Variants in VSIG1 observed in about 807,000 individuals in gnomAD.
VSIG1 encodes V-set and immunoglobulin domain-containing protein 1.
In VSIG1, 11 loss-of-function variants were observed where a neutral mutation model predicts 20.1. The ratio of observed to expected loss-of-function variants is 0.55; its 90% CI spans 0.34 to 0.91. The LOEUF (loss-of-function observed/expected upper bound fraction) is 0.91. Among genes scored for constraint, VSIG1 ranks in the 40% least tolerant of loss-of-function variants. VSIG1 has a pLI of 0.02. For synonymous variants in VSIG1, 126 were observed against 116.7 expected, an observed-to-expected ratio of 1.08 and a Z score of -0.52; for missense variants, 283 against 298.8, an observed-to-expected ratio of 0.95 and a Z score of 0.39.
At chrX:108,038,263 C>T in the VSIG1 span, among the ~76,000 whole-genome samples, 2 of 111,052 alleles carry the variant, frequency 1.8e-5, no homozygotes, top group African/African-American at 3.3e-5. Context: ...ACCCCAACCT[C>T]GTGACAGGCC....
the VSIG1 span, among the ~76,000 whole-genome samples, chrX:108,033,717 A>G: frequency 1.8e-5 from 2 of 110,632 alleles, no homozygotes; most frequent in Non-Finnish European, 3.8e-5. Flanking sequence ...GGGGAATGAT[A>G]CGAGCTGAGA....
intron 2 of VSIG1, chrX:108,064,770 C>T (rs1216951519): frequency 1.3e-6 from 1 of 750,898 alleles, no homozygotes; most frequent in African/African-American, 2.3e-5. Context: ...TCTTGATGGA[C>T]AGCAGGCTGA....
chrX:108,063,211 G>C (rs186224311), intron 2 of VSIG1, among the ~76,000 whole-genome samples: 1 of 111,691 alleles, frequency 9.0e-6, no homozygotes, highest in Non-Finnish European at 1.9e-5. Flanking sequence ...GCAGGAGAAA[G>C]GTTGGGCTGG....
At chrX:108,075,401 A>C (rs937520734) in intron 5 of VSIG1, among the ~76,000 whole-genome samples, 1 of 111,790 alleles carries the variant, frequency 8.9e-6, no homozygotes, top group African/African-American at 3.3e-5. Flanking sequence ...TAAACTATTT[A>C]CTTATATTCT....
intron 6 of VSIG1, 87 bp downstream of exon 6, chrX:108,076,305 T>C (rs930413602): frequency 2.2e-5 from 22 of 999,958 alleles, no homozygotes; most frequent in Non-Finnish European, 2.9e-5. Flanking sequence ...GCACTCCTTT[T>C]AGTATAAGAT....
rs760662839 is a variant in VSIG1, at chrX:108,058,120, C to T, written c.132C>T (p.Ile44=). Residue 44 remains isoleucine (I), a synonymous_variant, in exon 2 of 7, where the codon ATC becomes ATT. Transcript: ENST00000217957. The stretch of plus-strand genomic sequence containing the variant: ...GATCTAATGTCACTCTCATCTGCAT[C>T]TACACCACCACTGTGGCCTCCCGAG... ...TVGSNVTLIC[I]YTTTVASREQ... is the part of the protein sequence containing the mutation. 3 of 1,209,344 alleles carry T rather than the reference C, an allele frequency of 2.5e-6. No individual in the cohort carries two copies. In the African/African-American group the frequency reaches 5.2e-5, roughly 21 times the overall value.
Position 108,077,084 on chromosome X carries a change from A to G in VSIG1, c.867A>G (p.Glu289=), listed in dbSNP as rs778273537. 4 of 1,209,251 alleles carry G rather than the reference A, an allele frequency of 3.3e-6. No individual in the cohort carries two copies. The highest frequency in any genetic ancestry group is 3.4e-6 in the Non-Finnish European group (3 of 894,942). ...AGATAAACCCAAGGGGAGAAAGCGA[A>G]GCAATGCCAAGAGAAGACGCTACCC... ...MTKINPRGES[E]AMPREDATQL... Residue 289 remains glutamate, a synonymous_variant, in exon 7 of 7, where the codon GAA becomes GAG. Coordinates refer to ENST00000217957, the MANE Select transcript of VSIG1 (RefSeq NM_182607.5).
chrX:108,052,442 T>TACACAC (rs764453844), intron 1 of VSIG1, among the ~76,000 whole-genome samples: 1 of 107,004 alleles, frequency 9.3e-6, no homozygotes, highest in Non-Finnish European at 1.9e-5. Context: ...CTACCAAAAA[T>TACACAC]ACACACACAC....
chrX:108,026,502 G>T, the VSIG1 span, among the ~76,000 whole-genome samples: 1 of 111,211 alleles, frequency 9.0e-6, no homozygotes, highest in Non-Finnish European at 1.9e-5. Flanking sequence ...GAAGCTGTTA[G>T]GAAGCTGTGT....
At chrX:108,025,642 T>G in the VSIG1 span, among the ~76,000 whole-genome samples, 39,401 of 111,756 alleles carry the variant, frequency 0.35, 5,396 homozygotes, top group Non-Finnish European at 0.42. Flanking sequence ...TTTTGTGTTT[T>G]TAAATTTTTC....
At chrX:108,064,869 C>T (rs2031097190) in intron 2 of VSIG1, 4 of 428,807 alleles carry the variant, frequency 9.3e-6, no homozygotes, top group Middle Eastern at 1.4e-3. Context: ...AGCCTGATAG[C>T]GTGGGTGCCA....
chrX:108,028,260 A>G, the VSIG1 span, among the ~76,000 whole-genome samples: 1 of 111,759 alleles, frequency 8.9e-6, no homozygotes, highest in African/African-American at 3.3e-5. Flanking sequence ...CCTCCCTAGG[A>G]TATACCATGG....
chrX:108,042,638 C>T (rs1008541460), upstream of VSIG1, among the ~76,000 whole-genome samples: 7 of 111,408 alleles, frequency 6.3e-5, no homozygotes, highest in African/African-American at 1.6e-4. Flanking sequence ...CTGGAACTAC[C>T]GGTATTACTT....
At position 108,076,076 on chromosome X, in the gene VSIG1, G is replaced by A; in HGVS notation, c.689-1G>A. On this transcript the variant is annotated splice_acceptor_variant, in intron 5 of 6. Transcript: ENST00000217957. LOFTEE classifies it high-confidence loss of function. ...ATTAACCAGCTGCTTGTATCCTTCA[G>A]ATCCAGAAGTTGGAATCATTGTTGG... 8.3e-7 allele frequency: 1 copy of A among 1,210,682 alleles called. No homozygotes were observed. The highest frequency in any genetic ancestry group is 1.8e-5 in the South Asian group (1 of 56,706).
rs529333111 is a variant in VSIG1, at chrX:108,045,869, G to T, written c.49+690G>T. On this transcript the variant is annotated intron_variant, in intron 1 of 6. Coordinates refer to ENST00000217957, the MANE Select transcript of VSIG1 (RefSeq NM_182607.5). The stretch of plus-strand genomic sequence containing the variant: ...ATTTTGCATCTGTTCTTATAAGTTA[G>T]GTCCATAGTAAATACAATAATATTG... 1.3e-4 allele frequency among the ~76,000 whole-genome samples: 15 copies of T among 111,753 alleles called. No individual in the cohort carries two copies. In the South Asian group the frequency reaches 5.6e-3, roughly 42 times the overall value.
At chrX:108,047,163 G>T (rs888231521) in intron 1 of VSIG1, among the ~76,000 whole-genome samples, 1 of 111,028 alleles carries the variant, frequency 9.0e-6, no homozygotes, top group Non-Finnish European at 1.9e-5. Context: ...TGTTAAGCGT[G>T]GTGCCTAACA....
chrX:108,060,850 T>C (rs1602574723), intron 2 of VSIG1, among the ~76,000 whole-genome samples: 1 of 112,442 alleles, frequency 8.9e-6, no homozygotes, highest in African/African-American at 3.2e-5. Flanking sequence ...GCTTTTATTA[T>C]TGGCATCATC....
chrX:108,055,524 A>G (rs1175067563), intron 1 of VSIG1, among the ~76,000 whole-genome samples: 2 of 111,742 alleles, frequency 1.8e-5, no homozygotes, highest in African/African-American at 6.5e-5. Context: ...ACTACAGGCC[A>G]ATATCTCTCT....
intron 1 of VSIG1, among the ~76,000 whole-genome samples, chrX:108,051,568 A>G (rs751883756): frequency 3.6e-5 from 4 of 112,078 alleles, no homozygotes; most frequent in Non-Finnish European, 7.5e-5. Flanking sequence ...GTTTCCTAAC[A>G]TAGTAGACAA....
Sources: allele counts gnomAD v4.1 joint callset (sites outside exome capture counted in the v4.1 genomes callset), GRCh38; gene constraint gnomAD v4.1.1; transcripts MANE v1.5; gene names NCBI Gene and HGNC (gene_info 2026-07-23, HGNC 2026-07-21).